The following KIF14 variants were observed in gnomAD, a reference collection of about 807,000 sequenced individuals.
KIF14 encodes kinesin-like protein KIF14.
KIF14 carries 98 observed loss-of-function variants against 176.2 expected under a neutral mutation model. The ratio of observed to expected loss-of-function variants is 0.56; its 90% CI spans 0.47 to 0.66. The LOEUF is 0.66. Ranked by LOEUF, KIF14 falls within the 30% of genes least tolerant of loss-of-function variation. KIF14 has a pLI of 0.00. For synonymous variants in KIF14, 566 were observed against 632.2 expected, an observed-to-expected ratio of 0.90 and a Z score of 1.57; for missense variants, 1,751 against 1,920.4, an observed-to-expected ratio of 0.91 and a Z score of 1.65.
intron 25 of KIF14, among the ~76,000 whole-genome samples, chr1:200,562,926 C>T (rs1657241205): frequency 6.6e-6 from 1 of 152,154 alleles, no homozygotes; most frequent in Non-Finnish European, 1.5e-5. Context: ...AAAAGACACC[C>T]ACTGTCCTCT....
intron 26 of KIF14, among the ~76,000 whole-genome samples, 194 bp downstream of exon 26, chr1:200,560,528 T>C (rs894097077): frequency 4.6e-5 from 7 of 152,190 alleles, no homozygotes; most frequent in Admixed American, 4.6e-4. Flanking sequence ...TGCCTCGGCC[T>C]CCCAAAGTGC....
chr1:200,620,078 G>A (rs1660608611), intron 1 of KIF14, among the ~76,000 whole-genome samples: 1 of 152,136 alleles, frequency 6.6e-6, no homozygotes, highest in Non-Finnish European at 1.5e-5. Flanking sequence ...ATTTTTAAAT[G>A]AGGCTTTTAA....
rs1339874836 is a variant in KIF14, at chr1:200,602,038, T to C, written c.2010A>G (p.Ser670=). ...WLLKESLGGN[S]KTAMIATISP... is the part of the protein sequence containing the mutation. ...TAATCGTAGCAATCATTGCAGTTTT[T>C]GAATTTCCACCCAGACTTTCTTTTA... The change falls in exon 11 of 30, where the codon TCA becomes TCG. Residue 670 remains serine, a synonymous_variant. Transcript: ENST00000367350. 2.5e-6 allele frequency: 4 copies of C among 1,612,984 alleles called. No individual in the cohort carries two copies. The African/African-American group carries it at 5.3e-5, about 22-fold the overall frequency.
intron 23 of KIF14, among the ~76,000 whole-genome samples, chr1:200,567,652 C>A (rs572575452): frequency 2.0e-5 from 3 of 151,990 alleles, no homozygotes; most frequent in African/African-American, 7.2e-5. Context: ...TTGACTCATT[C>A]AGAGCCTCTG....
In KIF14 at chr1:200,553,495, C is replaced by T. The variant is rs1189535228; in HGVS notation, c.4840G>A (p.Asp1614Asn). The change falls in exon 30 of 30, where the codon GAC (aspartate) becomes AAC (asparagine). Residue 1614 changes from aspartate to asparagine, a missense_variant. Coordinates refer to ENST00000367350, the MANE Select transcript of KIF14 (RefSeq NM_014875.3). ...EHQQSKSSGIDGSKNKGVPKR... is the reference protein window; with the variant it reads ...EHQQSKSSGINGSKNKGVPKR... ...GGTACACCTTTATTCTTACTGCCGT[C>T]AATCCCGCTTGATTTAGATTGTTGG... 1 of 1,614,040 alleles carries T rather than the reference C, an allele frequency of 6.2e-7. No individual in the cohort carries two copies. Among genetic ancestry groups the T allele is most frequent in the Non-Finnish European group, 8.5e-7 (1 of 1,180,020 alleles).
chr1:200,593,013 T>C (rs1659133296), intron 15 of KIF14, among the ~76,000 whole-genome samples: 1 of 152,192 alleles, frequency 6.6e-6, no homozygotes, highest in Non-Finnish European at 1.5e-5. Context: ...CATTATGAAG[T>C]GCAAGACTTT....
rs1657006947 is a variant in KIF14, at chr1:200,559,418, C to T, written c.4265G>A (p.Gly1422Asp). The T allele has an allele frequency of 6.4e-7, 1 of 1,568,062 alleles. No individual in the cohort carries two copies. The highest frequency in any genetic ancestry group is 8.6e-7 in the Non-Finnish European group (1 of 1,157,454). ...EFMDAVCDGV[G>D]LGMKILLDSG... ...ATCTAATAAAATCTTCATTCCTAAG[C>T]CTACACCATCACAAACAGCATCCAT... Residue 1422 changes from glycine to aspartate, a missense_variant, in exon 27 of 30, where the codon GGC (glycine) becomes GAC (aspartate). Physicochemically the swap from Gly to Asp is moderately conservative, Grantham distance 94. Coordinates refer to ENST00000367350, the MANE Select transcript of KIF14 (RefSeq NM_014875.3).
At chr1:200,560,627 C>T (rs1657087617) in intron 26 of KIF14, 95 bp downstream of exon 26, 3 of 1,319,790 alleles carry the variant, frequency 2.3e-6, no homozygotes, top group Non-Finnish European at 3.2e-6. Flanking sequence ...ATTTTGAAAA[C>T]TTAAAAAGAA....
At chr1:200,559,266 G>T in intron 27 of KIF14, 64 bp downstream of exon 27, 1 of 1,025,454 alleles carries the variant, frequency 9.8e-7, no homozygotes, top group South Asian at 3.3e-5. Context: ...CTAATTTGTT[G>T]ACTGAAAAAA....
intron 17 of KIF14, 66 bp downstream of exon 17, chr1:200,590,059 T>C: frequency 4.7e-6 from 7 of 1,502,326 alleles, no homozygotes; most frequent in Non-Finnish European, 6.2e-6. Context: ...TAATCAACTT[T>C]ATAGGCAACA....
At chr1:200,568,868 A>T (rs895778162) in intron 23 of KIF14, among the ~76,000 whole-genome samples, 8 of 151,626 alleles carry the variant, frequency 5.3e-5, no homozygotes, top group African/African-American at 1.7e-4. Flanking sequence ...TGTGTGAATC[A>T]GTCATTCCTT....
chr1:200,573,434 T>TC lies in KIF14; in HGVS notation c.3566+2156_3566+2157insG, dbSNP rs1246370399. On this transcript the variant is annotated intron_variant, in intron 22 of 29. Coordinates refer to ENST00000367350, the MANE Select transcript of KIF14 (RefSeq NM_014875.3). ...CACTCAAGGAGCTCATTTCTTTTTTTTTTTTTTTTTTTTTTTTGAGACGGA... is the reference window on the plus strand; with the variant it reads ...CACTCAAGGAGCTCATTTCTTTTTTTCTTTTTTTTTTTTTTTTTGAGACGGA... Among the ~76,000 whole-genome samples, 38 of 128,242 alleles carry TC rather than the reference T, an allele frequency of 3.0e-4. No individual in the cohort carries two copies. In the East Asian group the frequency reaches 7.5e-3, roughly 25 times the overall value. 84.1% of individuals were successfully genotyped at this position (128,242 alleles called of 152,430 possible). A position where few individuals can be genotyped will look rare whatever the true frequency, so the allele number is the denominator to read the frequency against.
In KIF14 at chr1:200,609,091, T is replaced by C. The variant is rs57254772; in HGVS notation, c.1456-163A>G. Reference sequence around the variant, plus strand: ...TTTTAAAATGCACAAAGGACTTGAATAGACATTTCTCCAAAGAAGAACGTA... The same window carrying C: ...TTTTAAAATGCACAAAGGACTTGAACAGACATTTCTCCAAAGAAGAACGTA... On this transcript the variant is annotated intron_variant, in intron 4 of 29. Coordinates refer to ENST00000367350, the MANE Select transcript of KIF14 (RefSeq NM_014875.3). Among the ~76,000 whole-genome samples the C allele has an allele frequency of 0.16, 23,921 of 152,106 alleles. 2,461 individuals carry two copies. The highest frequency in any genetic ancestry group is 0.39 in the East Asian group (2,026 of 5,160).
At chr1:200,582,686 C>G (rs1238859373) in intron 19 of KIF14, among the ~76,000 whole-genome samples, 1 of 151,882 alleles carries the variant, frequency 6.6e-6, no homozygotes, top group Non-Finnish European at 1.5e-5. Context: ...ACTGTTTCTA[C>G]TAAAAATACA....
At chr1:200,605,915 G>A (rs779553410) in intron 6 of KIF14, 21 bp from the exon 7 acceptor site, 1 of 1,442,566 alleles carries the variant, frequency 6.9e-7, no homozygotes, top group Non-Finnish European at 9.4e-7. Flanking sequence ...GAAGTGAAAA[G>A]ACAAAATCAA....
rs1436494443 is a variant in KIF14, at chr1:200,559,383, C to T, written c.4300G>A (p.Glu1434Lys). 1 of 1,593,140 alleles carries T rather than the reference C, an allele frequency of 6.3e-7. No individual in the cohort carries two copies. The highest frequency in any genetic ancestry group is 8.6e-7 in the Non-Finnish European group (1 of 1,169,244). Residue 1434 changes from glutamate (E) to lysine (K), a missense_variant, in exon 27 of 30, where the codon GAA (glutamate) becomes AAA (lysine). Transcript: ENST00000367350. ...GMKILLDSGL[E>K]KAKELQHELF... The stretch of plus-strand genomic sequence containing the variant: ...TCATGCTGAAGTTCTTTTGCTTTTT[C>T]CAGTCCAGAATCTAATAAAATCTTC...
Position 200,617,942 on chromosome 1 carries a change from T to C in KIF14, c.782A>G (p.Lys261Arg). Residue 261 changes from lysine (K) to arginine (R), a missense_variant, in exon 2 of 30, where the codon AAG becomes AGG. Coordinates refer to ENST00000367350, the MANE Select transcript of KIF14 (RefSeq NM_014875.3). Reference sequence around the variant, plus strand: ...TTTATTTGAAGTTTTTGCAATTTCCTTCCCAATACTTCTATGATACAAGTT... The same window carrying C: ...TTTATTTGAAGTTTTTGCAATTTCCCTCCCAATACTTCTATGATACAAGTT... ...TGNLYHRSIG[K>R]EIAKTSNKFG... The C allele has an allele frequency of 6.2e-7, 1 of 1,613,926 alleles. No individual in the cohort carries two copies. The highest frequency in any genetic ancestry group is 2.2e-5 in the East Asian group (1 of 44,886).
chr1:200,610,379 G>A (rs754128914), intron 4 of KIF14, among the ~76,000 whole-genome samples: 17 of 151,650 alleles, frequency 1.1e-4, no homozygotes, highest in Admixed American at 5.9e-4. Flanking sequence ...GCGTGGTGGC[G>A]GGTATCTGTA....
At chr1:200,578,192 A>G (rs1020521811) in intron 21 of KIF14, among the ~76,000 whole-genome samples, 4 of 152,162 alleles carry the variant, frequency 2.6e-5, no homozygotes, top group African/African-American at 9.6e-5. Context: ...TCAAAGAACA[A>G]GAGCTTATAT....
Sources: gnomAD v4.1 joint callset for allele counts (sites outside exome capture counted in the v4.1 genomes callset) on GRCh38, gnomAD v4.1.1 for gene constraint, MANE v1.5 for transcripts, NCBI Gene and HGNC (gene_info 2026-07-23, HGNC 2026-07-21) for gene names.